OCA2: variants seen among roughly 807,000 people sequenced by gnomAD.
OCA2 encodes OCA2 melanosomal transmembrane protein, also known as P protein.
OCA2 carries 77 observed loss-of-function variants against 100.2 expected under a neutral mutation model. The ratio of observed to expected loss-of-function variants is 0.77; its 90% confidence interval spans 0.64 to 0.93. The LOEUF (loss-of-function observed/expected upper bound fraction) is 0.93. Among genes scored for constraint, OCA2 ranks in the 40% least tolerant of loss-of-function variants. The probability of loss-of-function intolerance (pLI) is 0.00; values close to 1 mark genes in which losing one functional copy is unlikely to be tolerated. For synonymous variants in OCA2, 432 were observed against 439.2 expected, an observed-to-expected ratio of 0.98 and a Z score of 0.21; for missense variants, 1,062 against 1,089.1, an observed-to-expected ratio of 0.98 and a Z score of 0.35.
chr15:28,004,645 C>T (rs751110759), intron 9 of OCA2, among the ~76,000 whole-genome samples: 1 of 152,130 alleles, frequency 6.6e-6, no homozygotes, highest in Non-Finnish European at 1.5e-5. Context: ...GACACATGGT[C>T]TGACACACAC....
At chr15:27,895,746 G>A (rs1438001604) in intron 19 of OCA2, 1 of 318,570 alleles carries the variant, frequency 3.1e-6, no homozygotes, top group African/African-American at 2.1e-5. Context: ...TACTTTAAGA[G>A]ATATCAAGCG....
rs140788420 is a variant in OCA2 at position 28,067,310 on chromosome 15, G to A, written c.227+14338C>T. ...ATCAATCTTAGTTATTTTTTTGAAG[G>A]ACAAACTTGGTTTCATTGATCTTTC... On this transcript the variant is annotated intron_variant, in intron 2 of 23. Coordinates refer to ENST00000354638, the MANE Select transcript of OCA2 (RefSeq NM_000275.3). Among the ~76,000 whole-genome samples the A allele has an allele frequency of 5.2e-3, 792 of 152,082 alleles. 5 individuals carry two copies. Among genetic ancestry groups the A allele is most frequent in the Non-Finnish European group, 8.8e-3 (596 of 67,984 alleles).
Position 27,755,387 on chromosome 15 carries a change from A to G in OCA2, c.*1T>C, listed in dbSNP as rs138228425. The G allele has an allele frequency of 1.5e-4, 236 of 1,601,594 alleles. No homozygotes were observed. In the African/African-American group the frequency reaches 3.0e-3, roughly 20 times the overall value. On this transcript the variant is annotated 3_prime_UTR_variant, in exon 24 of 24. Coordinates refer to ENST00000354638, the MANE Select transcript of OCA2 (RefSeq NM_000275.3). ...GTCTTCGAGCAATAGATGGATGTCT[A>G]TTAATTCCATCCCACCACCACATGA...
intron 23 of OCA2, among the ~76,000 whole-genome samples, chr15:27,827,306 C>G (rs1377844123): frequency 6.6e-6 from 1 of 152,168 alleles, no homozygotes; most frequent in Non-Finnish European, 1.5e-5. Flanking sequence ...ATGAGGGAAA[C>G]AAGCTGAACG....
At chr15:28,027,502 C>T (rs2042789111) in intron 4 of OCA2, among the ~76,000 whole-genome samples, 2 of 152,196 alleles carry the variant, frequency 1.3e-5, no homozygotes, top group African/African-American at 4.8e-5. Context: ...GGGCCAGACC[C>T]ACTCCTTCGT....
chr15:27,794,209 G>A (rs377579987), intron 23 of OCA2, among the ~76,000 whole-genome samples: 24 of 152,226 alleles, frequency 1.6e-4, no homozygotes, highest in African/African-American at 4.1e-4. Context: ...TTTGAGAGGC[G>A]TGGCCAGCAG....
In OCA2 at chr15:28,028,062, G is replaced by A; in HGVS notation, c.327-3C>T. 2 of 1,614,210 alleles carry A rather than the reference G, an allele frequency of 1.2e-6. No homozygotes were observed. The highest frequency in any genetic ancestry group is 1.7e-6 in the Non-Finnish European group (2 of 1,180,024). ...GGTAAACAGGTATGCACCGTGACCT[G>A]GAAAGCAAGAGAGGTGTGGTTATCT... is the stretch of plus-strand genomic sequence containing the variant. On this transcript the variant is annotated splice_polypyrimidine_tract_variant and splice_region_variant and intron_variant, in intron 3 of 23. Coordinates refer to ENST00000354638, the MANE Select transcript of OCA2 (RefSeq NM_000275.3).
chr15:27,762,787 C>T (rs983639590), intron 23 of OCA2, among the ~76,000 whole-genome samples: 8 of 152,192 alleles, frequency 5.3e-5, no homozygotes, highest in Non-Finnish European at 1.0e-4. Context: ...TGTCTAAAAA[C>T]GGTTTGCCTA....
chr15:27,778,798 A>G (rs1488290908), intron 23 of OCA2, among the ~76,000 whole-genome samples: 1 of 152,256 alleles, frequency 6.6e-6, no homozygotes, highest in African/African-American at 2.4e-5. Flanking sequence ...CTTGGAAAAA[A>G]GATTAGACTT....
At chr15:28,093,995 C>G (rs1231653863) in intron 1 of OCA2, among the ~76,000 whole-genome samples, 3 of 152,150 alleles carry the variant, frequency 2.0e-5, no homozygotes, top group African/African-American at 7.2e-5. Context: ...CTCTGCTCAC[C>G]CAGAACTCTC....
At chr15:27,801,550 C>CA (rs34636608) in intron 23 of OCA2, among the ~76,000 whole-genome samples, 940 of 37,728 alleles carry the variant, frequency 0.025, 140 homozygotes, top group Middle Eastern at 0.088. Context: ...GACTCGGTCT[C>CA]AAAAAAAAAA....
chr15:27,899,206 A>C (rs1468802520), intron 19 of OCA2, among the ~76,000 whole-genome samples: 2 of 152,216 alleles, frequency 1.3e-5, no homozygotes, highest in African/African-American at 4.8e-5. Flanking sequence ...TGAAGCTTCC[A>C]GAAGTAGCAC....
chr15:27,818,480 A>G (rs949203348), intron 23 of OCA2, among the ~76,000 whole-genome samples: 1 of 152,244 alleles, frequency 6.6e-6, no homozygotes, highest in Non-Finnish European at 1.5e-5. Flanking sequence ...AAGACATAAA[A>G]GAAGGCAAAA....
At chr15:27,727,551 C>T in the OCA2 span, among the ~76,000 whole-genome samples, 5 of 152,204 alleles carry the variant, frequency 3.3e-5, no homozygotes. Flanking sequence ...GCAGGTCCTA[C>T]AAGGTAACAT....
At position 27,960,705 on chromosome 15, in the gene OCA2, C is replaced by A. The variant is rs147552123; in HGVS notation, c.1637-2970G>T. On this transcript the variant is annotated intron_variant, in intron 15 of 23. Coordinates refer to ENST00000354638, the MANE Select transcript of OCA2 (RefSeq NM_000275.3). The stretch of plus-strand genomic sequence containing the variant: ...ATCACCTGAGGTCGGGAGTTCGAGG[C>A]CAGCCTGGCCAATATGGTGAAACTC... Among the ~76,000 whole-genome samples, 219 of 152,160 alleles carry A rather than the reference C, an allele frequency of 1.4e-3. 1 individual carries two copies. The highest frequency in any genetic ancestry group is 4.9e-3 in the African/African-American group (202 of 41,496).
intron 18 of OCA2, among the ~76,000 whole-genome samples, chr15:27,927,426 C>G (rs529577117): frequency 6.6e-6 from 1 of 152,280 alleles, no homozygotes; most frequent in South Asian, 2.1e-4. Context: ...TGGATTGTTT[C>G]CAGTGTCTGG....
chr15:27,992,473 A>T (rs1478420285), intron 9 of OCA2, among the ~76,000 whole-genome samples: 1 of 152,204 alleles, frequency 6.6e-6, no homozygotes, highest in East Asian at 1.9e-4. Context: ...CAGGGCAGGC[A>T]TTCATCCCCA....
intron 17 of OCA2, among the ~76,000 whole-genome samples, chr15:27,952,863 A>C (rs1169405262): frequency 6.6e-6 from 1 of 151,800 alleles, no homozygotes; most frequent in African/African-American, 2.4e-5. Context: ...TTGTATTTTT[A>C]GTAGAGATAG....
At chr15:27,790,571 A>G (rs2033033268) in intron 23 of OCA2, among the ~76,000 whole-genome samples, 1 of 152,182 alleles carries the variant, frequency 6.6e-6, no homozygotes, top group South Asian at 2.1e-4. Flanking sequence ...AGACAAAACT[A>G]TAGGGACAAA....
Sources: gnomAD v4.1 joint callset for allele counts (sites outside exome capture counted in the v4.1 genomes callset) on GRCh38, gnomAD v4.1.1 for gene constraint, MANE v1.5 for transcripts, NCBI Gene and HGNC (gene_info 2026-07-23, HGNC 2026-07-21) for gene names.